The following PLA2G4F variants were observed in gnomAD, a reference collection of about 807,000 sequenced individuals.
The protein encoded by PLA2G4F is phospholipase A2 group IVF, also known as cytosolic phospholipase A2 zeta.
PLA2G4F carries 105 observed loss-of-function variants against 103.1 expected under a neutral mutation model. The ratio of observed to expected loss-of-function variants is 1.02; its 90% CI spans 0.87 to 1.20. PLA2G4F has a LOEUF of 1.20. Ranked by LOEUF, PLA2G4F falls within the 50% of genes most tolerant of loss-of-function variation. The pLI, the probability that PLA2G4F is intolerant of heterozygous loss-of-function variation, is 0.00. For synonymous variants in PLA2G4F, 468 were observed against 441.1 expected (o/e 1.06, Z -0.76); for missense variants, 1,155 against 1,075.9 (o/e 1.07, Z -1.03).
chr15:42,149,469 T>C, intron 11 of PLA2G4F: 1 of 978,878 alleles, frequency 1.0e-6, no homozygotes, highest in Non-Finnish European at 1.2e-6. Flanking sequence ...AGAAAAGTCA[T>C]TTCTGTCATT....
intron 7 of PLA2G4F, among the ~76,000 whole-genome samples, chr15:42,152,367 A>G (rs2048969412): frequency 6.6e-6 from 1 of 152,224 alleles, no homozygotes; most frequent in African/African-American, 2.4e-5. Flanking sequence ...GGAGAGACGC[A>G]TGGCACAGGG....
intron 7 of PLA2G4F, among the ~76,000 whole-genome samples, chr15:42,151,941 A>T (rs1249318764): frequency 1.3e-5 from 2 of 152,234 alleles, no homozygotes; most frequent in Non-Finnish European, 2.9e-5. Flanking sequence ...TGCTTAGCCC[A>T]GGGCCTGCCT....
intron 4 of PLA2G4F, among the ~76,000 whole-genome samples, chr15:42,153,864 G>T (rs1449924886): frequency 6.6e-6 from 1 of 152,228 alleles, no homozygotes; most frequent in Non-Finnish European, 1.5e-5. Context: ...TCTAGACATT[G>T]ATAATTCAGC....
At chr15:42,154,987 C>G (rs536279083) in intron 2 of PLA2G4F, among the ~76,000 whole-genome samples, 1 of 151,962 alleles carries the variant, frequency 6.6e-6, no homozygotes, top group African/African-American at 2.4e-5. Context: ...GTGTAGTACT[C>G]TCACACTGGC....
chr15:42,141,194 C>T lies in PLA2G4F; in HGVS notation c.*790G>A, dbSNP rs964762337. On this transcript the variant is annotated 3_prime_UTR_variant, in exon 20 of 20. Transcript: ENST00000397272. ...TGAACTGATGCCCCTACTAGACACA[C>T]CCATTTAGCTCCTAGGAATGGTGAG... 2.2e-6 allele frequency: 1 copy of T among 456,150 alleles called. No homozygotes were observed. Among genetic ancestry groups the T allele is most frequent in the South Asian group, 1.5e-5 (1 of 64,532 alleles). 28.3% of individuals were successfully genotyped at this position (456,150 alleles called of 1,614,324 possible). A position where few individuals can be genotyped will look rare whatever the true frequency, so the allele number is the denominator to read the frequency against.
chr15:42,142,915 T>C (rs560921880), intron 18 of PLA2G4F, among the ~76,000 whole-genome samples: 2 of 152,130 alleles, frequency 1.3e-5, no homozygotes, highest in South Asian at 4.2e-4. Flanking sequence ...GCATGGTGGC[T>C]CATGCCTGTA....
At position 42,144,621 on chromosome 15, in the gene PLA2G4F, G is replaced by A; in HGVS notation, c.1804C>T (p.His602Tyr). ...ITDDCQKPQL[H>Y]NPSRLRTRLL... Reference sequence around the variant, plus strand: ...CTCGTTCGCAGCCTCGAGGGGTTGTGCAGCTGAGGCTTCTGGCAGTCGTCT... The same window carrying A: ...CTCGTTCGCAGCCTCGAGGGGTTGTACAGCTGAGGCTTCTGGCAGTCGTCT... Residue 602 changes from histidine to tyrosine, a missense_variant, in exon 17 of 20, where the codon CAC becomes TAC. By Grantham distance (83) the His-to-Tyr change is moderately conservative. Around this residue, in one of 3 missense-constraint regions of PLA2G4F, gnomAD observed 782 missense variants for 692.9 expected, o/e 1.13. Transcript: ENST00000397272. 1.2e-6 allele frequency: 2 copies of A among 1,602,944 alleles called. No homozygotes were observed. Among genetic ancestry groups the A allele is most frequent in the African/African-American group, 1.3e-5 (1 of 74,714 alleles).
chr15:42,144,723 CCCCTCCCCAACAGTGAG>C, intron 16 of PLA2G4F, 79 bp from the exon 17 acceptor site: 19 of 1,374,918 alleles, frequency 1.4e-5, no homozygotes, highest in Non-Finnish European at 1.7e-5. Flanking sequence ...TTCAGGGGTG[CCCCTCCCCAACAGTGAG>C]CCCTCCCCAC....
chr15:42,147,590 C>G (rs532488320), intron 12 of PLA2G4F, 36 bp downstream of exon 12: 1 of 1,605,818 alleles, frequency 6.2e-7, no homozygotes, highest in Admixed American at 1.7e-5. Context: ...TTTGTGGGGT[C>G]TCCTTTACCC....
rs2048908150 is a variant in PLA2G4F at position 42,147,688 on chromosome 15, C to A, written c.1134G>T (p.Gly378=). The stretch of plus-strand genomic sequence containing the variant: ...TGTCTAGAAGGCCGAGCTCCTGCAA[C>A]CCTGCCAGGCTGCCGTACAGAGAAG... ...AMSSLYGSLA[G]LQELGLLDTV... The change falls in exon 12 of 20, where the codon GGG becomes GGT. Residue 378 remains glycine, a synonymous_variant. Coordinates refer to ENST00000397272, the MANE Select transcript of PLA2G4F (RefSeq NM_213600.4). 2 of 1,614,130 alleles carry A rather than the reference C, an allele frequency of 1.2e-6. No homozygotes were observed. The highest frequency in any genetic ancestry group is 1.3e-5 in the African/African-American group (1 of 75,030).
chr15:42,141,692 G>C lies in PLA2G4F; in HGVS notation c.*292C>G. ...CTGGGGTGGGCTCTGTGGCTCACCT[G>C]ATTCTCTCCACACCCCGCTGTGAAA... On this transcript the variant is annotated 3_prime_UTR_variant, in exon 20 of 20. Transcript: ENST00000397272. 1.8e-6 allele frequency: 1 copy of C among 546,174 alleles called. No individual in the cohort carries two copies. The highest frequency in any genetic ancestry group is 3.5e-6 in the Non-Finnish European group (1 of 285,946). The allele number at this position is 546,174 out of a possible 1,614,324, so 33.8% of individuals were successfully genotyped here. A position where few individuals can be genotyped will look rare whatever the true frequency, so the allele number is the denominator to read the frequency against.
At chr15:42,148,330 C>G (rs1039498081) in intron 11 of PLA2G4F, among the ~76,000 whole-genome samples, 3 of 152,138 alleles carry the variant, frequency 2.0e-5, no homozygotes, top group African/African-American at 4.8e-5. Context: ...CTTAACCATT[C>G]GACCTGGAAG....
intron 1 of PLA2G4F, 58 bp from the exon 2 acceptor site, chr15:42,155,647 C>G (rs931888705): frequency 1.3e-6 from 2 of 1,536,212 alleles, no homozygotes; most frequent in African/African-American, 2.7e-5. Flanking sequence ...TCCCTCGCCC[C>G]ATTGTTCCCC....
intron 5 of PLA2G4F, 117 bp downstream of exon 5, chr15:42,153,503 G>A: frequency 6.7e-7 from 1 of 1,495,188 alleles, no homozygotes. Context: ...TCAAGACCAG[G>A]CCATTGCCTC....
chr15:42,150,515 C>T (rs771346411), intron 8 of PLA2G4F, 29 bp from the exon 9 acceptor site: 91 of 1,605,018 alleles, frequency 5.7e-5, no homozygotes, highest in Non-Finnish European at 7.5e-5. Flanking sequence ...CCAAGAAGCT[C>T]TCCAGCAGGG....
At chr15:42,151,462 T>C in intron 7 of PLA2G4F, 1 of 985,240 alleles carries the variant, frequency 1.0e-6, no homozygotes, top group Non-Finnish European at 1.2e-6. Context: ...GAGAAATGGC[T>C]GCACATGACA....
intron 1 of PLA2G4F, 70 bp from the exon 2 acceptor site, chr15:42,155,659 C>G (rs1483959082): frequency 6.7e-7 from 1 of 1,497,492 alleles, no homozygotes; most frequent in Non-Finnish European, 9.3e-7. Context: ...TTGTTCCCCT[C>G]GTCCCATCAT....
rs2048829351 is a variant in PLA2G4F, at chr15:42,141,902, T to C, written c.*82A>G. On this transcript the variant is annotated 3_prime_UTR_variant, in exon 20 of 20. Coordinates refer to ENST00000397272, the MANE Select transcript of PLA2G4F (RefSeq NM_213600.4). ...GAAGGGAAGCAGATCCTGCACAGAG[T>C]CCCCATCGCTCCTCCCTCTACAAGC... The C allele has an allele frequency of 7.3e-7, 1 of 1,363,272 alleles. No homozygotes were observed. Among genetic ancestry groups the C allele is most frequent in the Non-Finnish European group, 1.0e-6 (1 of 981,932 alleles). The allele number at this position is 1,363,272 out of a possible 1,614,324, so 84.4% of individuals were successfully genotyped here.
At position 42,142,573 on chromosome 15, in the gene PLA2G4F, G is replaced by A. The variant is rs369936851; in HGVS notation, c.2284C>T (p.His762Tyr). The A allele has an allele frequency of 6.8e-6, 11 of 1,614,094 alleles. No homozygotes were observed. Among genetic ancestry groups the A allele is most frequent in the Non-Finnish European group, 9.3e-6 (11 of 1,179,994 alleles). ...AEDPRSPIVL[H>Y]FPLVNRTFRT... Reference sequence around the variant, plus strand: ...AAGGTACGGTTAACCAGGGGGAAGTGCAGCACAATGGGGGAGCGGGGGTCC... The same window carrying A: ...AAGGTACGGTTAACCAGGGGGAAGTACAGCACAATGGGGGAGCGGGGGTCC... The change falls in exon 19 of 20, where the codon CAC becomes TAC. Residue 762 changes from histidine to tyrosine, a missense_variant. By Grantham distance (83) the His-to-Tyr change is moderately conservative. This residue lies in a region of PLA2G4F where 782 missense variants were observed against 692.9 expected (regional missense o/e 1.13). Coordinates refer to ENST00000397272, the MANE Select transcript of PLA2G4F (RefSeq NM_213600.4).
Sources: allele counts gnomAD v4.1 joint callset (sites outside exome capture counted in the v4.1 genomes callset), GRCh38; gene constraint gnomAD v4.1.1; regional missense constraint gnomAD v4.1.1; transcripts MANE v1.5; gene names NCBI Gene and HGNC (gene_info 2026-07-23, HGNC 2026-07-21).